Variants in ASTN2 observed in about 807,000 individuals in gnomAD.
The protein encoded by ASTN2 is astrotactin-2.
In ASTN2, 54 loss-of-function variants were observed where a neutral mutation model predicts 139.8. That is an observed-to-expected ratio of 0.39 (90% CI 0.31 to 0.48). The LOEUF is 0.48. ASTN2 is among the 20% of genes least tolerant of loss of function. ASTN2 has a pLI of 0.95. For synonymous variants in ASTN2, 756 were observed against 719.5 expected, an observed-to-expected ratio of 1.05 and a Z score of -0.81; for missense variants, 1,565 against 1,725.1, an observed-to-expected ratio of 0.91 and a Z score of 1.64.
chr9:116,815,232 G>A (rs1281987301), intron 12 of ASTN2, among the ~76,000 whole-genome samples: 1 of 152,070 alleles, frequency 6.6e-6, no homozygotes, highest in Non-Finnish European at 1.5e-5. Context: ...GAAAATACGT[G>A]GCTTCCAGTT....
intron 3 of ASTN2, among the ~76,000 whole-genome samples, chr9:117,154,384 G>C (rs376857171): frequency 1.3e-5 from 2 of 152,080 alleles, no homozygotes; most frequent in Non-Finnish European, 1.5e-5. Flanking sequence ...CAGGAAGCTA[G>C]AGAGTAACAT....
chr9:116,841,221 A>T (rs1168443595), intron 11 of ASTN2, among the ~76,000 whole-genome samples: 4 of 152,168 alleles, frequency 2.6e-5, no homozygotes, highest in African/African-American at 7.2e-5. Context: ...CCAAGAAAAT[A>T]CGAAAACCAG....
intron 19 of ASTN2, among the ~76,000 whole-genome samples, chr9:116,535,848 C>G (rs1327177975): frequency 2.0e-5 from 3 of 152,102 alleles, no homozygotes; most frequent in African/African-American, 7.2e-5. Flanking sequence ...AGTTGTTCTT[C>G]TTGAGGATTA....
chr9:117,343,118 G>C (rs1319080498), intron 1 of ASTN2, among the ~76,000 whole-genome samples: 1 of 152,188 alleles, frequency 6.6e-6, no homozygotes, highest in Admixed American at 6.5e-5. Flanking sequence ...CAAAGTATGT[G>C]CAGGGCTGCA....
chr9:116,898,696 G>A (rs1799316814), intron 10 of ASTN2, among the ~76,000 whole-genome samples: 1 of 152,048 alleles, frequency 6.6e-6, no homozygotes, highest in Admixed American at 6.6e-5. Flanking sequence ...TTGAGACAGG[G>A]TCTCGCTATG....
intron 1 of ASTN2, among the ~76,000 whole-genome samples, chr9:117,329,180 C>CTTTTT (rs749880987): frequency 6.1e-5 from 5 of 82,554 alleles, no homozygotes; most frequent in Non-Finnish European, 1.2e-4. Context: ...CTTCCAAGTT[C>CTTTTT]TTTTTTTTTT....
chr9:117,001,497 C>T (rs1837189086), intron 7 of ASTN2, among the ~76,000 whole-genome samples: 1 of 152,004 alleles, frequency 6.6e-6, no homozygotes, highest in Non-Finnish European at 1.5e-5. Flanking sequence ...CTTTTAATGA[C>T]CTCTCTTCAT....
chr9:116,468,688 T>C (rs1050469433), intron 20 of ASTN2, among the ~76,000 whole-genome samples: 8 of 152,190 alleles, frequency 5.3e-5, no homozygotes, highest in African/African-American at 1.9e-4. Flanking sequence ...AAAGAGCAAA[T>C]CTGACAATGT....
intron 1 of ASTN2, among the ~76,000 whole-genome samples, chr9:117,386,900 G>A (rs569148019): frequency 9.2e-5 from 14 of 152,252 alleles, no homozygotes; most frequent in Admixed American, 6.5e-4. Flanking sequence ...GTAAAAGAAA[G>A]CCCATTTTCA....
rs1834597081 is a variant in ASTN2, at chr9:117,291,645, G to C, written c.443-132C>G. 4 of 689,688 alleles carry C rather than the reference G, an allele frequency of 5.8e-6. 1 individual carries two copies. In the South Asian group the frequency reaches 7.8e-5, roughly 13 times the overall value. 42.7% of individuals were successfully genotyped at this position (689,688 alleles called of 1,614,324 possible). On this transcript the variant is annotated intron_variant, in intron 1 of 22. Coordinates refer to ENST00000313400, the MANE Select transcript of ASTN2 (RefSeq NM_001365068.1). ...GCCAGGATACCTTTCCTCACATCAAGTCTATGAGATAGGGATCATCACTTT... is the reference window on the plus strand; with the variant it reads ...GCCAGGATACCTTTCCTCACATCAACTCTATGAGATAGGGATCATCACTTT...
chr9:117,352,026 A>T (rs1250374557), intron 1 of ASTN2, among the ~76,000 whole-genome samples: 1 of 152,230 alleles, frequency 6.6e-6, no homozygotes, highest in Non-Finnish European at 1.5e-5. Context: ...AATTGAATCA[A>T]CTGTGAAGAT....
intron 1 of ASTN2, among the ~76,000 whole-genome samples, chr9:117,297,904 C>A (rs980242869): frequency 4.6e-5 from 7 of 152,340 alleles, no homozygotes; most frequent in African/African-American, 1.7e-4. Flanking sequence ...CTTGACTAAA[C>A]GCCCAAGAAT....
intron 17 of ASTN2, among the ~76,000 whole-genome samples, chr9:116,632,170 G>GAC (rs1211008137): frequency 0.013 from 458 of 34,562 alleles, 4 homozygotes; most frequent in East Asian, 0.022. Context: ...GAGAGAGAGA[G>GAC]AGAGAGAGAG....
intron 5 of ASTN2, among the ~76,000 whole-genome samples, chr9:117,088,154 GGATA>G (rs1362986490): frequency 2.0e-5 from 3 of 152,140 alleles, no homozygotes; most frequent in Non-Finnish European, 2.9e-5. Context: ...GAGAAGTGAT[GGATA>G]AAGGATGAGG....
intron 2 of ASTN2, among the ~76,000 whole-genome samples, chr9:117,234,323 T>G (rs1290498407): frequency 1.3e-5 from 2 of 152,160 alleles, no homozygotes; most frequent in African/African-American, 4.8e-5. Flanking sequence ...GCTTGGCATA[T>G]TCGGACCACC....
At chr9:117,005,675 A>G (rs1837333743) in intron 7 of ASTN2, among the ~76,000 whole-genome samples, 1 of 152,232 alleles carries the variant, frequency 6.6e-6, no homozygotes, top group South Asian at 2.1e-4. Context: ...CTTTACAGGT[A>G]TCATTCAGAC....
At chr9:116,652,324 T>C (rs994687770) in intron 16 of ASTN2, among the ~76,000 whole-genome samples, 1 of 152,116 alleles carries the variant, frequency 6.6e-6, no homozygotes, top group Non-Finnish European at 1.5e-5. Flanking sequence ...AGATTCCATC[T>C]CAGAATAAAT....
intron 5 of ASTN2, among the ~76,000 whole-genome samples, chr9:117,084,602 T>A (rs182037358): frequency 2.0e-5 from 3 of 152,366 alleles, no homozygotes; most frequent in Non-Finnish European, 4.4e-5. Flanking sequence ...GGAAGATTAA[T>A]GAATGTGCAA....
chr9:117,053,023 T>C (rs1355313691), intron 5 of ASTN2, among the ~76,000 whole-genome samples: 1 of 152,166 alleles, frequency 6.6e-6, no homozygotes, highest in African/African-American at 2.4e-5. Context: ...CTTGATAGGG[T>C]TGTCTTCAAA....
Sources: gnomAD v4.1 joint callset for allele counts (sites outside exome capture counted in the v4.1 genomes callset) on GRCh38, gnomAD v4.1.1 for gene constraint, MANE v1.5 for transcripts, NCBI Gene and HGNC (gene_info 2026-07-23, HGNC 2026-07-21) for gene names.